The following IRAG2 variants were observed in gnomAD, a reference collection of about 807,000 sequenced individuals.
IRAG2 encodes inositol 1,4,5-triphosphate receptor associated 2.
Under a neutral mutation model 69.9 loss-of-function variants are expected in IRAG2, and 45 were observed. That is an observed-to-expected ratio of 0.64 (90% CI 0.51 to 0.83). IRAG2 has a LOEUF of 0.83. Among genes scored for constraint, IRAG2 ranks in the 40% least tolerant of loss-of-function variants. The pLI is 0.00. For synonymous variants in IRAG2, 193 were observed against 202.4 expected, an observed-to-expected ratio of 0.95 and a Z score of 0.40; for missense variants, 520 against 587.0, an observed-to-expected ratio of 0.89 and a Z score of 1.18.
intron 13 of IRAG2, chr12:25,034,000 T>C (rs2139850897): frequency 7.5e-6 from 3 of 398,592 alleles, no homozygotes; most frequent in African/African-American, 2.1e-5. Context: ...CCCCATGTGA[T>C]AGCTTATGAT....
Position 25,089,611 on chromosome 12 carries a change from T to C in IRAG2, c.374-3T>C. 2 of 1,560,988 alleles carry C rather than the reference T, an allele frequency of 1.3e-6. No homozygotes were observed. Among genetic ancestry groups the C allele is most frequent in the Non-Finnish European group, 1.8e-6 (2 of 1,138,584 alleles). ...CAAATAATATTTTATTATATTTTAA[T>C]AGACTCTGTGGTTTCCCCTCTTCCT... is the stretch of plus-strand genomic sequence containing the variant. On this transcript the variant is annotated splice_polypyrimidine_tract_variant and splice_region_variant and intron_variant, in intron 11 of 21. Coordinates refer to ENST00000556887, the MANE Select transcript of IRAG2 (RefSeq NM_001366544.2).
intron 16 of IRAG2, among the ~76,000 whole-genome samples, chr12:25,045,742 C>T (rs1944787448): frequency 6.6e-6 from 1 of 151,406 alleles, no homozygotes; most frequent in Non-Finnish European, 1.5e-5. Flanking sequence ...TTAAACACCT[C>T]CCAAAAAAGA....
At chr12:25,014,571 A>G (rs1025121569) in intron 3 of IRAG2, among the ~76,000 whole-genome samples, 4 of 151,996 alleles carry the variant, frequency 2.6e-5, no homozygotes, top group African/African-American at 9.7e-5. Context: ...AAATGTTAAT[A>G]TGTTTATTTT....
At chr12:25,017,046 A>T (rs1431458990) in intron 5 of IRAG2, 4 of 1,078,930 alleles carry the variant, frequency 3.7e-6, no homozygotes, top group Non-Finnish European at 4.7e-6. Flanking sequence ...CCAGAATATC[A>T]AAGTTTGGTT....
intron 10 of IRAG2, among the ~76,000 whole-genome samples, chr12:25,086,646 G>A (rs1053359885): frequency 5.3e-5 from 8 of 152,176 alleles, no homozygotes; most frequent in African/African-American, 1.9e-4. Context: ...AGAGGAGACT[G>A]AGAACGGGCT....
At chr12:25,078,827 A>C (rs993155728) in intron 6 of IRAG2, among the ~76,000 whole-genome samples, 1 of 152,224 alleles carries the variant, frequency 6.6e-6, no homozygotes, top group Admixed American at 6.5e-5. Flanking sequence ...CTAGAAAACT[A>C]AGAGCAATTT....
intron 2 of IRAG2, among the ~76,000 whole-genome samples, chr12:25,008,304 G>A (rs860879): frequency 0.67 from 101,839 of 152,036 alleles, 34,690 homozygotes; most frequent in African/African-American, 0.77. Context: ...TACCAGTTTT[G>A]AAAATACTAA....
At chr12:25,067,763 G>GC (rs1461927280) in intron 5 of IRAG2, among the ~76,000 whole-genome samples, 2 of 151,988 alleles carry the variant, frequency 1.3e-5, no homozygotes, top group Non-Finnish European at 2.9e-5. Context: ...GACTTCCTGG[G>GC]CTCAGGTGAT....
At chr12:25,062,604 G>A (rs764232898) in intron 2 of IRAG2, among the ~76,000 whole-genome samples, 7 of 152,136 alleles carry the variant, frequency 4.6e-5, no homozygotes, top group African/African-American at 7.2e-5. Context: ...TCTTGTTCCC[G>A]ATCTTCAGAT....
At chr12:25,068,317 TA>T (rs1946117898) in intron 5 of IRAG2, among the ~76,000 whole-genome samples, 1 of 152,148 alleles carries the variant, frequency 6.6e-6, no homozygotes, top group African/African-American at 2.4e-5. Flanking sequence ...GATGAAGAGA[TA>T]CATCGGAAAG....
intron 1 of IRAG2, among the ~76,000 whole-genome samples, chr12:25,056,331 G>A (rs1408029057): frequency 6.6e-5 from 10 of 152,164 alleles, no homozygotes; most frequent in Admixed American, 6.5e-4. Flanking sequence ...GAAAACCAAA[G>A]CCAAATACAG....
intron 15 of IRAG2, chr12:25,036,788 C>T: frequency 2.5e-6 from 1 of 395,270 alleles, no homozygotes; most frequent in African/African-American, 2.1e-5. Context: ...TTGTAGTCTT[C>T]TGCTATCTTA....
chr12:25,056,424 T>C (rs1945264508), intron 1 of IRAG2, among the ~76,000 whole-genome samples: 1 of 152,120 alleles, frequency 6.6e-6, no homozygotes, highest in Admixed American at 6.5e-5. Flanking sequence ...CTGGGAAGTA[T>C]AGTATAATGA....
At chr12:25,101,749 A>G (rs1948760309) in intron 16 of IRAG2, among the ~76,000 whole-genome samples, 1 of 152,222 alleles carries the variant, frequency 6.6e-6, no homozygotes, top group East Asian at 1.9e-4. Context: ...ATGAACTGGA[A>G]AATAGAGAAA....
intron 9 of IRAG2, among the ~76,000 whole-genome samples, chr12:25,028,938 C>G (rs1040148963): frequency 3.9e-5 from 6 of 152,156 alleles, no homozygotes; most frequent in Non-Finnish European, 5.9e-5. Flanking sequence ...CACTCTGTTA[C>G]CTGCGCAGTA....
chr12:25,060,668 C>CTTTTTT (rs753591747), intron 1 of IRAG2, among the ~76,000 whole-genome samples: 10 of 99,284 alleles, frequency 1.0e-4, no homozygotes, highest in Non-Finnish European at 1.4e-4. Flanking sequence ...AATGTATTTT[C>CTTTTTT]TTTTTTTTTT....
intron 6 of IRAG2, among the ~76,000 whole-genome samples, chr12:25,078,020 G>A (rs896014781): frequency 6.6e-6 from 1 of 152,192 alleles, no homozygotes; most frequent in Non-Finnish European, 1.5e-5. Context: ...GCCCAAGTTG[G>A]TTTTGTTTAC....
intron 6 of IRAG2, among the ~76,000 whole-genome samples, chr12:25,074,516 C>G (rs910936770): frequency 6.6e-6 from 1 of 152,140 alleles, no homozygotes; most frequent in African/African-American, 2.4e-5. Context: ...GGTTTGTTGT[C>G]CACACTGTCC....
chr12:25,021,463 A>C (rs1424509674), intron 7 of IRAG2, among the ~76,000 whole-genome samples: 5 of 152,200 alleles, frequency 3.3e-5, no homozygotes, highest in East Asian at 1.9e-4. Context: ...AAAAAAAAAC[A>C]GTTATCTCAG....
Sources: allele counts gnomAD v4.1 joint callset (sites outside exome capture counted in the v4.1 genomes callset), GRCh38; gene constraint gnomAD v4.1.1; transcripts MANE v1.5; gene names NCBI Gene and HGNC (gene_info 2026-07-23, HGNC 2026-07-21).